The following KHDRBS2 variants were observed in gnomAD, a reference collection of about 807,000 sequenced individuals.
KHDRBS2 encodes the protein KH RNA binding domain containing, signal transduction associated 2, also known as KH domain-containing, RNA-binding, signal transduction-associated protein 2.
KHDRBS2 carries 26 observed loss-of-function variants against 44.3 expected under a neutral mutation model. That is an observed-to-expected ratio of 0.59 (90% CI 0.43 to 0.81). KHDRBS2 has a LOEUF of 0.81. Among genes scored for constraint, KHDRBS2 ranks in the 40% least tolerant of loss-of-function variants. The pLI is 0.00. For missense variants in KHDRBS2, 476 were observed against 433.1 expected (o/e 1.10, Z -0.88); for synonymous variants, 194 against 151.1 (o/e 1.28, Z -2.08).
intron 2 of KHDRBS2, among the ~76,000 whole-genome samples, chr6:62,096,817 A>C (rs1352151739): frequency 1.3e-5 from 2 of 151,208 alleles, no homozygotes; most frequent in Non-Finnish European, 3.0e-5. Context: ...TGTTTATTTT[A>C]TTTTATTTTT....
At position 62,095,076 on chromosome 6, in the gene KHDRBS2, T is replaced by C. The variant is rs150879914; in HGVS notation, c.220-47082A>G. On this transcript the variant is annotated intron_variant, in intron 2 of 8. Transcript: ENST00000281156. Reference sequence around the variant, plus strand: ...TTGGTCCATACGAATTATATGATTGTTTTTTTCTCTGTTTCTATGAAGAAT... The same window carrying C: ...TTGGTCCATACGAATTATATGATTGCTTTTTTCTCTGTTTCTATGAAGAAT... Among the ~76,000 whole-genome samples the C allele has an allele frequency of 9.3e-4, 142 of 151,990 alleles. 1 individual carries two copies. Among genetic ancestry groups the C allele is most frequent in the African/African-American group, 3.2e-3 (134 of 41,524 alleles).
chr6:61,757,906 G>A (rs143346433), intron 6 of KHDRBS2, among the ~76,000 whole-genome samples: 2 of 152,154 alleles, frequency 1.3e-5, no homozygotes, highest in East Asian at 1.9e-4. Context: ...AGTCCTGTGC[G>A]AATGCTGGAC....
intron 3 of KHDRBS2, among the ~76,000 whole-genome samples, chr6:62,028,563 T>C (rs1159532119): frequency 2.0e-5 from 3 of 152,244 alleles, no homozygotes; most frequent in Non-Finnish European, 2.9e-5. Flanking sequence ...ATATGAACCA[T>C]GAAATCTATA....
At chr6:61,937,406 C>T (rs1343930806) in intron 4 of KHDRBS2, among the ~76,000 whole-genome samples, 1 of 151,972 alleles carries the variant, frequency 6.6e-6, no homozygotes, top group African/African-American at 2.4e-5. Context: ...TTCTACTACT[C>T]TTCTAGTTGT....
intron 3 of KHDRBS2, among the ~76,000 whole-genome samples, chr6:61,981,943 G>A (rs1173425585): frequency 6.6e-6 from 1 of 152,068 alleles, no homozygotes; most frequent in East Asian, 1.9e-4. Flanking sequence ...GTATAATGTA[G>A]TCAGTCATAA....
rs144958094 is a variant in KHDRBS2, at chr6:62,197,487, A to G, written c.92-20175T>C. Among the ~76,000 whole-genome samples, 275 of 152,230 alleles carry G rather than the reference A, an allele frequency of 1.8e-3. 2 individuals are homozygous for G. The highest frequency in any genetic ancestry group is 6.3e-3 in the African/African-American group (260 of 41,558). ...CTGCTTCTATGGATAATGGGTCTTG[A>G]AGGAGTTTACCGTTCTTATAAGACA... On this transcript the variant is annotated intron_variant, in intron 1 of 8. Coordinates refer to ENST00000281156, the MANE Select transcript of KHDRBS2 (RefSeq NM_152688.4).
At chr6:61,956,740 A>G (rs948412496) in intron 4 of KHDRBS2, among the ~76,000 whole-genome samples, 1 of 152,176 alleles carries the variant, frequency 6.6e-6, no homozygotes, top group Admixed American at 6.5e-5. Context: ...TGGCTTCTCC[A>G]CATACCAAGC....
the KHDRBS2 span, among the ~76,000 whole-genome samples, chr6:61,614,949 A>G: frequency 6.6e-6 from 1 of 151,970 alleles, no homozygotes; most frequent in East Asian, 1.9e-4. Context: ...ATGAGTTACT[A>G]TAGGCTGGGC....
At chr6:62,045,437 A>C (rs1445765127) in intron 3 of KHDRBS2, among the ~76,000 whole-genome samples, 3 of 151,936 alleles carry the variant, frequency 2.0e-5, no homozygotes, top group Non-Finnish European at 4.4e-5. Context: ...ACTGTATCAA[A>C]ATTTGCTCCC....
chr6:62,213,874 A>G, intron 1 of KHDRBS2, among the ~76,000 whole-genome samples: 1 of 31,840 alleles, frequency 3.1e-5, no homozygotes, highest in Non-Finnish European at 5.8e-5. Flanking sequence ...ACTCCATCTC[A>G]AAAAAAAAAA....
At chr6:61,589,220 A>G in the KHDRBS2 span, among the ~76,000 whole-genome samples, 1 of 152,196 alleles carries the variant, frequency 6.6e-6, no homozygotes, top group Non-Finnish European at 1.5e-5. Context: ...CAGCACATAT[A>G]TCTCAGAACT....
At chr6:62,075,628 A>AT (rs1365129901) in intron 2 of KHDRBS2, among the ~76,000 whole-genome samples, 15 of 151,692 alleles carry the variant, frequency 9.9e-5, no homozygotes, top group Non-Finnish European at 2.1e-4. Context: ...TCAGCATTAA[A>AT]TTTTTTCCTC....
the KHDRBS2 span, chr6:61,659,219 C>A: frequency 6.6e-6 from 1 of 151,794 alleles, no homozygotes; most frequent in Non-Finnish European, 1.5e-5. Context: ...CCTTATTAAG[C>A]ACTCAATGCA....
At chr6:61,844,783 T>C (rs967439146) in intron 6 of KHDRBS2, among the ~76,000 whole-genome samples, 5 of 152,204 alleles carry the variant, frequency 3.3e-5, no homozygotes, top group African/African-American at 1.2e-4. Context: ...AGCTAGCTTT[T>C]TGTTATATTC....
chr6:61,711,150 T>C (rs572087224), intron 7 of KHDRBS2, among the ~76,000 whole-genome samples: 14 of 151,618 alleles, frequency 9.2e-5, no homozygotes, highest in Non-Finnish European at 1.6e-4. Flanking sequence ...ATAATTTCTA[T>C]GTGAATAATT....
At chr6:61,863,139 A>G (rs1200998370) in intron 6 of KHDRBS2, among the ~76,000 whole-genome samples, 1 of 151,658 alleles carries the variant, frequency 6.6e-6, no homozygotes, top group African/African-American at 2.4e-5. Flanking sequence ...TATCCCCCTT[A>G]CCATTTCTGG....
chr6:62,020,425 T>C (rs1782045353), intron 3 of KHDRBS2, among the ~76,000 whole-genome samples: 1 of 152,038 alleles, frequency 6.6e-6, no homozygotes, highest in African/African-American at 2.4e-5. Flanking sequence ...TGCTATTGTT[T>C]GGAGTGTGGG....
At chr6:61,857,635 G>A (rs1275739941) in intron 6 of KHDRBS2, among the ~76,000 whole-genome samples, 22 of 151,930 alleles carry the variant, frequency 1.4e-4, no homozygotes, top group Non-Finnish European at 2.5e-4. Flanking sequence ...AGCAACATAC[G>A]GATTTTGTTG....
chr6:61,783,568 G>A (rs1783355464), intron 6 of KHDRBS2, among the ~76,000 whole-genome samples: 1 of 151,984 alleles, frequency 6.6e-6, no homozygotes. Flanking sequence ...CATGCTCTGT[G>A]CTCTAAAAAT....
Sources: allele counts gnomAD v4.1 joint callset (sites outside exome capture counted in the v4.1 genomes callset), GRCh38; gene constraint gnomAD v4.1.1; transcripts MANE v1.5; gene names NCBI Gene and HGNC (gene_info 2026-07-23, HGNC 2026-07-21).